Variants in ARHGAP8 observed in about 807,000 individuals in gnomAD.
The protein encoded by ARHGAP8 is Rho GTPase activating protein 8, also known as rho GTPase-activating protein 8.
In ARHGAP8, 62 loss-of-function variants were observed where a neutral mutation model predicts 46.1. That is an observed-to-expected ratio of 1.34 (90% CI 1.10 to 1.66). The LOEUF (loss-of-function observed/expected upper bound fraction) is 1.66, where lower values mean the gene tolerates loss of function less well. ARHGAP8 is among the 40% of genes most tolerant of loss of function. The probability of loss-of-function intolerance (pLI) is 0.00; values close to 1 mark genes in which losing one functional copy is unlikely to be tolerated. For synonymous variants in ARHGAP8, 375 were observed against 243.1 expected (o/e 1.54, Z -5.05); for missense variants, 923 against 568.4 (o/e 1.62, Z -6.34).
intron 11 of ARHGAP8, among the ~76,000 whole-genome samples, chr22:44,860,698 G>A (rs1215056553): frequency 6.6e-6 from 1 of 152,106 alleles, no homozygotes; most frequent in African/African-American, 2.4e-5. Context: ...CTGGGCCTGG[G>A]CTTAGTGTGC....
rs144929449 is a variant in ARHGAP8 at position 44,763,619 on chromosome 22, T to C, written c.-72+10992T>C. Among the ~76,000 whole-genome samples, 67 of 151,850 alleles carry C rather than the reference T, an allele frequency of 4.4e-4. 1 individual carries two copies. In the East Asian group the frequency reaches 0.012, roughly 28 times the overall value. The stretch of plus-strand genomic sequence containing the variant: ...AGAGAATCAGGCAGATGTTAGCGAC[T>C]GAAAAGGGAATCGGAAGGACAGGGC... On this transcript the variant is annotated intron_variant, in intron 1 of 11. Coordinates refer to ENST00000356099, the MANE Select transcript of ARHGAP8 (RefSeq NM_181335.3).
chr22:44,804,978 C>T (rs1474808303), intron 3 of ARHGAP8, among the ~76,000 whole-genome samples: 2 of 152,162 alleles, frequency 1.3e-5, no homozygotes, highest in Non-Finnish European at 2.9e-5. Context: ...GTGCTGATTA[C>T]CCCAGACAGT....
At chr22:44,814,861 C>T (rs761125058) in intron 5 of ARHGAP8, 103 bp downstream of exon 5, 2 of 1,371,728 alleles carry the variant, frequency 1.5e-6, no homozygotes, top group East Asian at 2.4e-5. Flanking sequence ...GGGCCCGTCT[C>T]CAGGGTGCCT....
intron 5 of ARHGAP8, among the ~76,000 whole-genome samples, chr22:44,822,006 C>T (rs943881255): frequency 1.3e-5 from 2 of 152,238 alleles, no homozygotes; most frequent in African/African-American, 4.8e-5. Flanking sequence ...CAGAGCTGCT[C>T]TCTCTGTGCC....
chr22:44,797,368 G>T (rs1928167320), intron 2 of ARHGAP8, among the ~76,000 whole-genome samples: 1 of 152,056 alleles, frequency 6.6e-6, no homozygotes, highest in Non-Finnish European at 1.5e-5. Flanking sequence ...CAGGAGGAGG[G>T]CTCAGGCTCC....
chr22:44,773,057 C>T (rs1197873415), intron 1 of ARHGAP8, among the ~76,000 whole-genome samples: 1 of 151,596 alleles, frequency 6.6e-6, no homozygotes, highest in African/African-American at 2.4e-5. Context: ...CTTAAGTTAC[C>T]TTCCTGCTTT....
chr22:44,759,996 C>A (rs1165834770), intron 1 of ARHGAP8, among the ~76,000 whole-genome samples: 1 of 152,154 alleles, frequency 6.6e-6, no homozygotes, highest in African/African-American at 2.4e-5. Context: ...GGGGGTGACC[C>A]CAGCAGCCCT....
chr22:44,827,543 A>G (rs1047505652), intron 7 of ARHGAP8, among the ~76,000 whole-genome samples: 1 of 151,746 alleles, frequency 6.6e-6, no homozygotes, highest in Non-Finnish European at 1.5e-5. Flanking sequence ...GGGTTTCACC[A>G]TGTTGGCCAG....
intron 7 of ARHGAP8, among the ~76,000 whole-genome samples, chr22:44,839,586 C>T (rs1602249327): frequency 6.6e-6 from 1 of 152,226 alleles, no homozygotes; most frequent in South Asian, 2.1e-4. Context: ...GCTTGCCTCC[C>T]TGTGCCACCT....
chr22:44,858,711 GT>G (rs1316097330), intron 10 of ARHGAP8, among the ~76,000 whole-genome samples: 2 of 149,174 alleles, frequency 1.3e-5, no homozygotes, highest in African/African-American at 5.0e-5. Flanking sequence ...AGCTCCAGTG[GT>G]AGATGTGGTT....
rs772106403 is a variant in ARHGAP8 at position 44,813,293 on chromosome 22, C to A, written c.300-1379C>A. The stretch of plus-strand genomic sequence containing the variant: ...ACACCCCTACATACACACATACACA[C>A]CTGGATACAGTACATACACCTGCAT... On this transcript the variant is annotated intron_variant, in intron 4 of 11. Coordinates refer to ENST00000356099, the MANE Select transcript of ARHGAP8 (RefSeq NM_181335.3). Among the ~76,000 whole-genome samples, 72 of 151,814 alleles carry A rather than the reference C, an allele frequency of 4.7e-4. 1 individual carries two copies. Among genetic ancestry groups the A allele is most frequent in the South Asian group, 6.2e-4 (3 of 4,818 alleles).
In ARHGAP8 at chr22:44,800,592, GGGCGCCCCTCCCC is replaced by G. The variant is rs1928434932; in HGVS notation, c.80-1483_80-1471del. Among the ~76,000 whole-genome samples the G allele has an allele frequency of 1.3e-4, 15 of 115,032 alleles. 2 individuals are homozygous for G. Among genetic ancestry groups the G allele is most frequent in the Admixed American group, 4.0e-4 (5 of 12,436 alleles). The allele number at this position is 115,032 out of a possible 152,430, so 75.5% of individuals were successfully genotyped here. On this transcript the variant is annotated intron_variant, in intron 2 of 11. Transcript: ENST00000356099. ...CTCCCCGCAGCTGTCCATGTGTGGG[GGGCGCCCCTCCCC>G]GCAGCTGTCCATGTGTGGGGGGCGC...
At chr22:44,786,181 C>T (rs1927207761) in intron 1 of ARHGAP8, 3 of 548,966 alleles carry the variant, frequency 5.5e-6, no homozygotes, top group South Asian at 2.2e-5. Flanking sequence ...AATGGGTGCT[C>T]GGCTGAGGTA....
At chr22:44,752,931 C>G (rs1924360395) in intron 1 of ARHGAP8, among the ~76,000 whole-genome samples, 2 of 152,022 alleles carry the variant, frequency 1.3e-5, no homozygotes, top group Admixed American at 1.3e-4. Context: ...CCGCCTTCCC[C>G]GCCCTCGCCT....
At chr22:44,836,550 G>A (rs756679440) in intron 7 of ARHGAP8, among the ~76,000 whole-genome samples, 1 of 106,754 alleles carries the variant, frequency 9.4e-6, no homozygotes, top group Non-Finnish European at 2.1e-5. Flanking sequence ...TGCACAGTAG[G>A]TCCTCAGTAC....
chr22:44,862,163 G>C (rs990522013), intron 11 of ARHGAP8, 112 bp from the exon 12 acceptor site: 43 of 1,331,746 alleles, frequency 3.2e-5, no homozygotes, highest in Non-Finnish European at 3.8e-5. Flanking sequence ...CCGGCTCCCA[G>C]TCCAGTGCTC....
At chr22:44,827,190 A>G (rs1048617922) in intron 7 of ARHGAP8, among the ~76,000 whole-genome samples, 3 of 152,046 alleles carry the variant, frequency 2.0e-5, no homozygotes, top group Non-Finnish European at 4.4e-5. Context: ...CGGGGCCAGA[A>G]GCCAAGGCAC....
chr22:44,825,554 C>A lies in ARHGAP8; in HGVS notation c.557C>A (p.Pro186His). 1 of 1,613,380 alleles carries A rather than the reference C, an allele frequency of 6.2e-7. No homozygotes were observed. The highest frequency in any genetic ancestry group is 1.1e-5 in the South Asian group (1 of 91,042). ...PPPTKTPPPRPPLPTQQFGVS... is the reference protein window; with the variant it reads ...PPPTKTPPPRHPLPTQQFGVS... ...CCCACCAAGACACCACCGCCGCGGC[C>A]CCCGCTGCCCACACAGCAGTTTGGC... Residue 186 changes from proline to histidine, a missense_variant, in exon 7 of 12, where the codon CCC becomes CAC. By Grantham distance (77) the Pro-to-His change is moderately conservative. Coordinates refer to ENST00000356099, the MANE Select transcript of ARHGAP8 (RefSeq NM_181335.3).
At chr22:44,770,157 T>TAC (rs1925891217) in intron 1 of ARHGAP8, among the ~76,000 whole-genome samples, 1 of 152,032 alleles carries the variant, frequency 6.6e-6, no homozygotes, top group Non-Finnish European at 1.5e-5. Flanking sequence ...GGCAGGAGAA[T>TAC]TGCTTAAACC....
Sources: gnomAD v4.1 joint callset for allele counts (sites outside exome capture counted in the v4.1 genomes callset) on GRCh38, gnomAD v4.1.1 for gene constraint, MANE v1.5 for transcripts, NCBI Gene and HGNC (gene_info 2026-07-23, HGNC 2026-07-21) for gene names.